Variants in SATB2 observed in about 807,000 individuals in gnomAD.
SATB2 encodes DNA-binding protein SATB2.
In SATB2, 1 loss-of-function variant was observed where a neutral mutation model predicts 73.4. The observed-to-expected ratio is 0.01, with a 90% CI of 0.00 to 0.06. The LOEUF is 0.06. Among genes scored for constraint, SATB2 ranks in the 10% least tolerant of loss-of-function variants. The pLI is 1.00. For missense variants in SATB2, 459 were observed against 945.8 expected (o/e 0.49, Z 6.75); for synonymous variants, 397 against 367.0 (o/e 1.08, Z -0.93).
intron 7 of SATB2, chr2:199,347,178 C>T (rs184402727): frequency 6.6e-6 from 1 of 152,192 alleles, no homozygotes; most frequent in East Asian, 1.9e-4. Context: ...AGCCCCTTAA[C>T]TTCTGAAGTA....
chr2:199,414,478 T>C (rs555266543), intron 3 of SATB2, among the ~76,000 whole-genome samples: 1 of 152,298 alleles, frequency 6.6e-6, no homozygotes, highest in Non-Finnish European at 1.5e-5. Flanking sequence ...ACTTATTAAA[T>C]TGAATTAATA....
rs535960709 is a variant in SATB2, at chr2:199,271,569, A to G, written c.*642T>C. On this transcript the variant is annotated 3_prime_UTR_variant, in exon 11 of 11. Coordinates refer to ENST00000417098, the MANE Select transcript of SATB2 (RefSeq NM_001172509.2). ...TAGGAAGCCATAGAATTAAAAAAAA[A>G]AAATCAGGGACAAACACAAAAAATA... is the stretch of plus-strand genomic sequence containing the variant. 1 of 152,546 alleles carries G rather than the reference A, an allele frequency of 6.6e-6. No individual in the cohort carries two copies. The highest frequency in any genetic ancestry group is 6.5e-5 in the Admixed American group (1 of 15,274). The allele number at this position is 152,546 out of a possible 1,614,324, so 9.4% of individuals were successfully genotyped here. A position where few individuals can be genotyped will look rare whatever the true frequency, so the allele number is the denominator to read the frequency against.
intron 10 of SATB2, among the ~76,000 whole-genome samples, chr2:199,302,394 T>C (rs904390817): frequency 7.2e-5 from 11 of 152,152 alleles, no homozygotes; most frequent in African/African-American, 2.7e-4. Context: ...AACCTAGTAA[T>C]ATAATAAACC....
At chr2:199,352,398 G>C (rs1274017317) in intron 6 of SATB2, among the ~76,000 whole-genome samples, 1 of 152,022 alleles carries the variant, frequency 6.6e-6, no homozygotes, top group Non-Finnish European at 1.5e-5. Flanking sequence ...AAACATCAAA[G>C]CTCCATGAAA....
At chr2:199,371,927 T>A (rs781114591) in intron 5 of SATB2, among the ~76,000 whole-genome samples, 1 of 152,204 alleles carries the variant, frequency 6.6e-6, no homozygotes, top group African/African-American at 2.4e-5. Context: ...TAAGCATGTA[T>A]CGCTTTGCAT....
intron 10 of SATB2, among the ~76,000 whole-genome samples, chr2:199,291,655 G>A (rs1692864435): frequency 6.6e-6 from 1 of 152,120 alleles, no homozygotes; most frequent in Non-Finnish European, 1.5e-5. Flanking sequence ...GCTCACATCT[G>A]TAATCCCAGC....
chr2:199,346,863 T>A (rs1241009001), intron 7 of SATB2: 1 of 111,078 alleles, frequency 9.0e-6, no homozygotes, highest in East Asian at 2.8e-4. Flanking sequence ...CTTAACTTTT[T>A]TTTTTTTTTT....
chr2:199,436,663 AG>A (rs1271390196), intron 2 of SATB2, among the ~76,000 whole-genome samples: 1 of 152,134 alleles, frequency 6.6e-6, no homozygotes, highest in Non-Finnish European at 1.5e-5. Flanking sequence ...AGAATAAAGG[AG>A]GAAAAATAGA....
intron 3 of SATB2, among the ~76,000 whole-genome samples, chr2:199,386,207 C>A (rs1437910871): frequency 6.6e-6 from 1 of 152,106 alleles, no homozygotes; most frequent in Non-Finnish European, 1.5e-5. Flanking sequence ...GGTAGGCATC[C>A]CAAATCCAAA....
intron 9 of SATB2, among the ~76,000 whole-genome samples, chr2:199,322,966 T>G (rs775548395): frequency 6.6e-6 from 1 of 152,092 alleles, no homozygotes; most frequent in Non-Finnish European, 1.5e-5. Flanking sequence ...CTCAAAATTA[T>G]GCTTTAACTA....
rs1574487167 is a variant in SATB2, at chr2:199,303,152, T to G, written c.1740+5608A>C. Among the ~76,000 whole-genome samples the G allele has an allele frequency of 3.3e-5, 5 of 152,236 alleles. No individual in the cohort carries two copies. The South Asian group carries it at 1.0e-3, about 31-fold the overall frequency. ...CCAGCACATGATAAAAGTCAGACTCTGAAGGTAGACAGATGTGAATTTAAG... is the reference window on the plus strand; with the variant it reads ...CCAGCACATGATAAAAGTCAGACTCGGAAGGTAGACAGATGTGAATTTAAG... On this transcript the variant is annotated intron_variant, in intron 10 of 10. Transcript: ENST00000417098.
chr2:199,453,714 G>C (rs1310981474), intron 2 of SATB2, among the ~76,000 whole-genome samples: 1 of 151,924 alleles, frequency 6.6e-6, no homozygotes, highest in Non-Finnish European at 1.5e-5. Context: ...TCATAATTTT[G>C]TTAACATTCA....
chr2:199,273,818 G>C (rs1053090165), intron 10 of SATB2, among the ~76,000 whole-genome samples: 1 of 151,906 alleles, frequency 6.6e-6, no homozygotes, highest in African/African-American at 2.4e-5. Flanking sequence ...TAATAAAAAA[G>C]CAAAATCTTA....
chr2:199,433,310 T>C, intron 3 of SATB2, 28 bp downstream of exon 3: 2 of 1,606,064 alleles, frequency 1.2e-6, no homozygotes, highest in Non-Finnish European at 1.7e-6. Context: ...ACAAGAGACT[T>C]GGGAGGAGAG....
intron 3 of SATB2, among the ~76,000 whole-genome samples, chr2:199,417,638 A>G (rs144268437): frequency 7.7e-4 from 117 of 152,258 alleles, no homozygotes; most frequent in African/African-American, 2.6e-3. Context: ...ACTATAACTC[A>G]CTAATTACAA....
intron 5 of SATB2, among the ~76,000 whole-genome samples, chr2:199,374,948 A>G (rs527994436): frequency 6.6e-6 from 1 of 150,692 alleles, no homozygotes; most frequent in Non-Finnish European, 1.5e-5. Context: ...TGGGCAACCC[A>G]GGGAGACTCC....
At chr2:199,383,496 TA>T (rs1480229387) in intron 3 of SATB2, among the ~76,000 whole-genome samples, 2 of 152,208 alleles carry the variant, frequency 1.3e-5, no homozygotes, top group African/African-American at 2.4e-5. Flanking sequence ...TCTACAATTT[TA>T]AATTCCTTTC....
intron 3 of SATB2, among the ~76,000 whole-genome samples, chr2:199,428,338 G>A (rs958594026): frequency 2.0e-5 from 3 of 152,054 alleles, no homozygotes; most frequent in Non-Finnish European, 1.5e-5. Context: ...TTTCATCAAA[G>A]AAATGAAATA....
chr2:199,414,109 A>G (rs1405192265), intron 3 of SATB2, among the ~76,000 whole-genome samples: 1 of 152,194 alleles, frequency 6.6e-6, no homozygotes, highest in East Asian at 1.9e-4. Context: ...GTACTTTACA[A>G]TAGATTCAAG....
Sources: gnomAD v4.1 joint callset for allele counts (sites outside exome capture counted in the v4.1 genomes callset) on GRCh38, gnomAD v4.1.1 for gene constraint, MANE v1.5 for transcripts, NCBI Gene and HGNC (gene_info 2026-07-23, HGNC 2026-07-21) for gene names.